C11orf24: variants seen among roughly 807,000 people sequenced by gnomAD.
C11orf24 encodes the protein chromosome 11 open reading frame 24, also known as uncharacterized protein C11orf24.
Under a neutral mutation model 7.3 loss-of-function variants are expected in C11orf24, and 5 were observed. The ratio of observed to expected loss-of-function variants is 0.69; its 90% CI spans 0.36 to 1.45. C11orf24 has a LOEUF of 1.45. Among genes scored for constraint, C11orf24 ranks in the 40% most tolerant of loss-of-function variants. The pLI is 0.03. For synonymous variants in C11orf24, 233 were observed against 235.7 expected, an observed-to-expected ratio of 0.99 and a Z score of 0.11; for missense variants, 566 against 590.5, an observed-to-expected ratio of 0.96 and a Z score of 0.43.
In C11orf24 at chr11:68,261,734, C is replaced by A. The variant is rs771874175; in HGVS notation, c.1261G>T (p.Ala421Ser). 4.3e-6 allele frequency: 7 copies of A among 1,614,072 alleles called. No homozygotes were observed. The highest frequency in any genetic ancestry group is 1.1e-5 in the South Asian group (1 of 91,090). The change falls in exon 4 of 4, where the codon GCC (alanine) becomes TCC (serine). Residue 421 changes from alanine (A) to serine (S), a missense_variant. By Grantham distance (99) the Ala-to-Ser change is moderately conservative. Transcript: ENST00000304271. Reference sequence around the variant, plus strand: ...TTGTAGCTCTCATAGGCCTGCAGGGCAAACAAAACCAAGACTGTGATGAAA... The same window carrying A: ...TTGTAGCTCTCATAGGCCTGCAGGGAAAACAAAACCAAGACTGTGATGAAA... ...TLFITVLVLFALQAYESYKKK... is the reference protein window; with the variant it reads ...TLFITVLVLFSLQAYESYKKK...
At position 68,262,840 on chromosome 11, in the gene C11orf24, G is replaced by C; in HGVS notation, c.155C>G (p.Ser52Cys). The C allele has an allele frequency of 1.2e-6, 2 of 1,614,176 alleles. No individual in the cohort carries two copies. The highest frequency in any genetic ancestry group is 1.7e-5 in the Admixed American group (1 of 60,020). ...ASVETVDNKTSEDVTMAAASP... is the reference protein window; with the variant it reads ...ASVETVDNKTCEDVTMAAASP... Reference sequence around the variant, plus strand: ...AGCTGCTGCCATGGTTACATCCTCAGACGTTTTATTATCAACTGTTTCCAC... The same window carrying C: ...AGCTGCTGCCATGGTTACATCCTCACACGTTTTATTATCAACTGTTTCCAC... Residue 52 changes from serine to cysteine, a missense_variant, in exon 4 of 4, where the codon TCT becomes TGT. Coordinates refer to ENST00000304271, the MANE Select transcript of C11orf24 (RefSeq NM_022338.4).
chr11:68,261,500 T>C lies in C11orf24; in HGVS notation c.*145A>G, dbSNP rs2098561563. ...AGCAACTCTTTAGTGATCATGGAAT[T>C]AATCTGACAGCAATTAAATGTGTTT... On this transcript the variant is annotated 3_prime_UTR_variant, in exon 4 of 4. Coordinates refer to ENST00000304271, the MANE Select transcript of C11orf24 (RefSeq NM_022338.4). The C allele has an allele frequency of 1.5e-6, 1 of 659,238 alleles. No homozygotes were observed. The highest frequency in any genetic ancestry group is 3.0e-5 in the Admixed American group (1 of 33,696). The allele number at this position is 659,238 out of a possible 1,614,324, so 40.8% of individuals were successfully genotyped here.
At chr11:68,264,626 C>CATT (rs1591133024) in intron 2 of C11orf24, among the ~76,000 whole-genome samples, 1 of 134,084 alleles carries the variant, frequency 7.5e-6, no homozygotes, top group Non-Finnish European at 1.6e-5. Context: ...ATCCATCCAC[C>CATT]CATCCATCCA....
At chr11:68,263,948 C>T (rs959549180) in intron 2 of C11orf24, 82 bp from the exon 3 acceptor site, 1 of 604,252 alleles carries the variant, frequency 1.7e-6, no homozygotes, top group African/African-American at 1.9e-5. Flanking sequence ...CTGTGGAGGG[C>T]TCTGGCAGGG....
intron 1 of C11orf24, among the ~76,000 whole-genome samples, chr11:68,270,114 T>G (rs893523596): frequency 6.6e-6 from 1 of 151,828 alleles, no homozygotes; most frequent in Non-Finnish European, 1.5e-5. Context: ...CCATAATAGA[T>G]GGGAAAAAAG....
At chr11:68,263,631 G>T in intron 3 of C11orf24, 61 bp downstream of exon 3, 1 of 1,491,118 alleles carries the variant, frequency 6.7e-7, no homozygotes, top group Non-Finnish European at 9.3e-7. Context: ...GCTTTCAAGG[G>T]CTCAGCATGC....
chr11:68,262,100 T>G lies in C11orf24; in HGVS notation c.895A>C (p.Arg299=). 6.2e-7 allele frequency: 1 copy of G among 1,608,682 alleles called. No individual in the cohort carries two copies. Among genetic ancestry groups the G allele is most frequent in the Non-Finnish European group, 8.5e-7 (1 of 1,177,960 alleles). ...GGCACTGGGCTGGCAGTTGGCTCCC[T>G]GGCTTGTGCCTTGGTGGTGGTCACC... ...TVVTTTKAQA[R]EPTASPVPVP... Residue 299 remains arginine, a synonymous_variant, in exon 4 of 4, where the codon AGG becomes CGG. Transcript: ENST00000304271.
intron 3 of C11orf24, 52 bp from the exon 4 acceptor site, chr11:68,262,970 C>T (rs1565290183): frequency 2.6e-6 from 4 of 1,543,104 alleles, no homozygotes; most frequent in East Asian, 2.3e-5. Flanking sequence ...CAATCCTGCA[C>T]AGGGGGATTG....
In C11orf24 at chr11:68,262,195, A is replaced by C. The variant is rs1348133718; in HGVS notation, c.800T>G (p.Val267Gly). ...ISQVSVDQPV[V>G]NTTNKSTPMP... ...GGGTGTGGATTTATTTGTTGTGTTA[A>C]CCACAGGCTGGTCCACTGACACCTG... The change falls in exon 4 of 4, where the codon GTT becomes GGT. Residue 267 changes from valine to glycine, a missense_variant. Val to Gly is a moderately radical substitution (Grantham distance 109, BLOSUM62 -3). Coordinates refer to ENST00000304271, the MANE Select transcript of C11orf24 (RefSeq NM_022338.4). The C allele has an allele frequency of 1.9e-6, 3 of 1,612,858 alleles. No homozygotes were observed. In the African/African-American group the frequency reaches 4.0e-5, roughly 22 times the overall value.
At chr11:68,264,409 T>A (rs1475014353) in intron 2 of C11orf24, among the ~76,000 whole-genome samples, 10 of 150,560 alleles carry the variant, frequency 6.6e-5, no homozygotes, top group Non-Finnish European at 1.2e-4. Context: ...TACTCATCTG[T>A]CCATCCATCC....
At chr11:68,270,331 T>C (rs1376731993) in intron 1 of C11orf24, among the ~76,000 whole-genome samples, 1 of 152,154 alleles carries the variant, frequency 6.6e-6, no homozygotes, top group African/African-American at 2.4e-5. Flanking sequence ...CCCCCAACTA[T>C]GCCCCTGGGT....
rs374368657 is a variant in C11orf24, at chr11:68,269,059, C to T, written c.-297-808G>A. Among the ~76,000 whole-genome samples the T allele has an allele frequency of 4.3e-3, 658 of 151,894 alleles. 51 individuals are homozygous for T. In the South Asian group the frequency reaches 0.13, roughly 30 times the overall value. ...TGCACTAGAATGTTAATGAATATCC[C>T]TGGGGAATGGATTCACCTGTGATTT... On this transcript the variant is annotated intron_variant, in intron 1 of 3. Coordinates refer to ENST00000304271, the MANE Select transcript of C11orf24 (RefSeq NM_022338.4).
At position 68,262,260 on chromosome 11, in the gene C11orf24, A is replaced by C; in HGVS notation, c.735T>G (p.Pro245=). 1 of 1,613,446 alleles carries C rather than the reference A, an allele frequency of 6.2e-7. No individual in the cohort carries two copies. Among genetic ancestry groups the C allele is most frequent in the East Asian group, 2.2e-5 (1 of 44,860 alleles). ...KHMPSDTAAS[P]VPPMRPQAQG... is the part of the protein sequence containing the mutation. ...GTGCTTGGGGACGCATAGGGGGTAC[A>C]GGGCTTGCCGCGGTGTCACTGGGCA... The change falls in exon 4 of 4, where the codon CCT becomes CCG. Residue 245 remains proline, a synonymous_variant. Transcript: ENST00000304271.
rs1234558792 is a variant in C11orf24, at chr11:68,262,287, G to A, written c.708C>T (p.His236=). 1 of 1,613,490 alleles carries A rather than the reference G, an allele frequency of 6.2e-7. No homozygotes were observed. The highest frequency in any genetic ancestry group is 8.5e-7 in the Non-Finnish European group (1 of 1,179,458). ...PMSTRPSPSK[H]MPSDTAASPV... ...GGCTTGCCGCGGTGTCACTGGGCAT[G>A]TGCTTGGAAGGACTTGGACGAGTGC... Residue 236 remains histidine (H), a synonymous_variant, in exon 4 of 4, where the codon CAC becomes CAT. Coordinates refer to ENST00000304271, the MANE Select transcript of C11orf24 (RefSeq NM_022338.4).
intron 2 of C11orf24, among the ~76,000 whole-genome samples, chr11:68,266,619 G>C (rs1219000672): frequency 6.6e-6 from 1 of 152,094 alleles, no homozygotes; most frequent in African/African-American, 2.4e-5. Flanking sequence ...AAGTGTGGCG[G>C]GGGGGATGGG....
chr11:68,271,422 T>C (rs1209038940), intron 1 of C11orf24, among the ~76,000 whole-genome samples: 1 of 152,108 alleles, frequency 6.6e-6, no homozygotes, highest in Non-Finnish European at 1.5e-5. Context: ...GATAGGTCTG[T>C]GTCACTCAAG....
chr11:68,262,134 G>C lies in C11orf24; in HGVS notation c.861C>G (p.Thr287=), dbSNP rs767011262. The C allele has an allele frequency of 6.2e-7, 1 of 1,614,012 alleles. No homozygotes were observed. Among genetic ancestry groups the C allele is most frequent in the Non-Finnish European group, 8.5e-7 (1 of 1,179,986 alleles). The change falls in exon 4 of 4, where the codon ACC becomes ACG. Residue 287 remains threonine, a synonymous_variant. Coordinates refer to ENST00000304271, the MANE Select transcript of C11orf24 (RefSeq NM_022338.4). ...CCTTGGTGGTGGTCACCACTGTGGG[G>C]GTGGGGGCGGGCTCTGGGGTTGTGT... ...PSNTTPEPAP[T]PTVVTTTKAQ...
rs910620884 is a variant in C11orf24, at chr11:68,268,218, G to A, written c.-264C>T. On this transcript the variant is annotated 5_prime_UTR_variant, in exon 2 of 4. Transcript: ENST00000304271. Reference sequence around the variant, plus strand: ...CCATCCTTTGTGGCACATGTGAGACGAAGGTAGACTCTCCACTCTAGTAAC... The same window carrying A: ...CCATCCTTTGTGGCACATGTGAGACAAAGGTAGACTCTCCACTCTAGTAAC... The A allele has an allele frequency of 2.6e-5, 4 of 152,248 alleles. No individual in the cohort carries two copies. Among genetic ancestry groups the A allele is most frequent in the East Asian group, 1.9e-4 (1 of 5,204 alleles). 9.4% of individuals were successfully genotyped at this position (152,248 alleles called of 1,614,324 possible). A position where few individuals can be genotyped will look rare whatever the true frequency, so the allele number is the denominator to read the frequency against.
intron 2 of C11orf24, chr11:68,267,150 G>C (rs1294159025): frequency 6.6e-6 from 1 of 152,272 alleles, no homozygotes; most frequent in Admixed American, 6.5e-5. Context: ...TATACAAACA[G>C]GCAGCAGGTG....
Sources: gnomAD v4.1 joint callset for allele counts (sites outside exome capture counted in the v4.1 genomes callset) on GRCh38, gnomAD v4.1.1 for gene constraint, MANE v1.5 for transcripts, NCBI Gene and HGNC (gene_info 2026-07-23, HGNC 2026-07-21) for gene names.